The following LIN52 variants were observed in gnomAD, a reference collection of about 807,000 sequenced individuals.
LIN52 encodes lin-52 DREAM MuvB core complex component, also known as protein lin-52 homolog.
LIN52 carries 4 observed loss-of-function variants against 18.5 expected under a neutral mutation model. The ratio of observed to expected loss-of-function variants is 0.22; its 90% confidence interval spans 0.11 to 0.49. The LOEUF (loss-of-function observed/expected upper bound fraction) is 0.49. Among genes scored for constraint, LIN52 ranks in the 20% least tolerant of loss-of-function variants. The pLI is 0.97. For missense variants in LIN52, 102 were observed against 139.5 expected, an observed-to-expected ratio of 0.73 and a Z score of 1.35; for synonymous variants, 34 against 45.5, an observed-to-expected ratio of 0.75 and a Z score of 1.02.
chr14:74,135,222 G>A (rs1265047309), intron 5 of LIN52, among the ~76,000 whole-genome samples: 3 of 152,046 alleles, frequency 2.0e-5, no homozygotes, highest in African/African-American at 7.3e-5. Flanking sequence ...GTACCACCAC[G>A]CCTGGCTGAT....
chr14:74,151,054 C>A (rs749170304), intron 5 of LIN52, among the ~76,000 whole-genome samples: 10 of 152,114 alleles, frequency 6.6e-5, no homozygotes, highest in Non-Finnish European at 1.3e-4. Context: ...CCTTAAAATA[C>A]AATTTTTATA....
At chr14:74,089,432 G>A (rs1331487164) in intron 1 of LIN52, among the ~76,000 whole-genome samples, 1 of 150,384 alleles carries the variant, frequency 6.6e-6, no homozygotes, top group Non-Finnish European at 1.5e-5. Flanking sequence ...GCAGTGGTGT[G>A]ACCTTAGCTA....
At chr14:74,184,127 C>T (rs982659146) in intron 5 of LIN52, among the ~76,000 whole-genome samples, 2 of 152,204 alleles carry the variant, frequency 1.3e-5, no homozygotes, top group Non-Finnish European at 2.9e-5. Context: ...GTCACCCAGG[C>T]TGGAGTGCAC....
intron 5 of LIN52, among the ~76,000 whole-genome samples, chr14:74,151,043 T>G (rs912170943): frequency 1.4e-4 from 22 of 152,258 alleles, no homozygotes; most frequent in African/African-American, 4.8e-4. Flanking sequence ...AATATAAACC[T>G]CCTTAAAATA....
intron 5 of LIN52, among the ~76,000 whole-genome samples, chr14:74,176,297 A>G (rs144349551): frequency 0.019 from 2,860 of 152,170 alleles, 91 homozygotes; most frequent in African/African-American, 0.065. Context: ...TTTTTAGTAG[A>G]GACGGGGTTT....
intron 5 of LIN52, among the ~76,000 whole-genome samples, chr14:74,146,402 G>A (rs1256947133): frequency 6.6e-6 from 1 of 151,938 alleles, no homozygotes; most frequent in African/African-American, 2.4e-5. Flanking sequence ...AGGGAATCTC[G>A]TAGCCATGGT....
At chr14:74,091,139 G>A in intron 1 of LIN52, 93 bp from the exon 2 acceptor site, 1 of 803,252 alleles carries the variant, frequency 1.2e-6, no homozygotes, top group Non-Finnish European at 2.1e-6. Flanking sequence ...AGACTTCCAG[G>A]TGAGTGTTCC....
Position 74,199,188 on chromosome 14 carries a change from C to A in LIN52, c.*211C>A. ...CTACCCAAGGATCATTGCAGTTACT[C>A]AATCAACTTTCAGACTTGAACCTTC... On this transcript the variant is annotated 3_prime_UTR_variant, in exon 6 of 6. Coordinates refer to ENST00000555028, the MANE Select transcript of LIN52 (RefSeq NM_001024674.3). The A allele has an allele frequency of 2.3e-6, 1 of 436,636 alleles. No homozygotes were observed. The highest frequency in any genetic ancestry group is 4.1e-6 in the Non-Finnish European group (1 of 246,284). The allele number at this position is 436,636 out of a possible 1,614,324, so 27.0% of individuals were successfully genotyped here. A position where few individuals can be genotyped will look rare whatever the true frequency, so the allele number is the denominator to read the frequency against.
chr14:74,089,026 T>TA (rs1260125186), intron 1 of LIN52, among the ~76,000 whole-genome samples: 1 of 152,114 alleles, frequency 6.6e-6, no homozygotes, highest in Non-Finnish European at 1.5e-5. Flanking sequence ...GATTGACGTT[T>TA]AAAAAAATCA....
chr14:74,114,200 G>GTGTGTC (rs2060949623), intron 5 of LIN52: 1 of 984,116 alleles, frequency 1.0e-6, no homozygotes, highest in African/African-American at 1.8e-5. Flanking sequence ...GTGTGTGTGT[G>GTGTGTC]TGTGTGTGTG....
rs999015504 is a variant in LIN52, at chr14:74,099,982, T to A, written c.200-1173T>A. 6.6e-5 allele frequency among the ~76,000 whole-genome samples: 10 copies of A among 152,234 alleles called. No homozygotes were observed. In the South Asian group the frequency reaches 2.1e-3, roughly 32 times the overall value. On this transcript the variant is annotated intron_variant, in intron 4 of 5. Coordinates refer to ENST00000555028, the MANE Select transcript of LIN52 (RefSeq NM_001024674.3). ...TCCATTTGCTCCTAACCTCCAACAGTATGCTGTCTTTTTACTTAGTAAACT... is the reference window on the plus strand; with the variant it reads ...TCCATTTGCTCCTAACCTCCAACAGAATGCTGTCTTTTTACTTAGTAAACT...
chr14:74,175,711 T>TACACACACACACAC (rs35602442), intron 5 of LIN52, among the ~76,000 whole-genome samples: 34 of 86,388 alleles, frequency 3.9e-4, no homozygotes, highest in Non-Finnish European at 4.7e-4. Flanking sequence ...CACAGACACA[T>TACACACACACACAC]ACACACACAC....
At chr14:74,105,597 T>C (rs1050180461) in intron 5 of LIN52, among the ~76,000 whole-genome samples, 1 of 151,806 alleles carries the variant, frequency 6.6e-6, no homozygotes, top group East Asian at 1.9e-4. Context: ...TTTTTGTCCT[T>C]ACAGATTATT....
At chr14:74,123,890 A>G (rs78995819) in intron 5 of LIN52, among the ~76,000 whole-genome samples, 1,563 of 152,266 alleles carry the variant, frequency 0.01, 32 homozygotes, top group African/African-American at 0.036. Context: ...GATCTGTTCT[A>G]CTTACTGACT....
chr14:74,136,540 T>C (rs1176726757), intron 5 of LIN52, among the ~76,000 whole-genome samples: 1 of 152,184 alleles, frequency 6.6e-6, no homozygotes, highest in African/African-American at 2.4e-5. Context: ...GTTGTTTGCA[T>C]CCATTTCTGC....
At chr14:74,193,308 GGAGGCT>G (rs2078891414) in intron 5 of LIN52, among the ~76,000 whole-genome samples, 1 of 151,804 alleles carries the variant, frequency 6.6e-6, no homozygotes, top group Non-Finnish European at 1.5e-5. Flanking sequence ...CAACTACTTA[GGAGGCT>G]GAGGCAGGAG....
At chr14:74,115,290 A>T (rs1215757849) in intron 5 of LIN52, among the ~76,000 whole-genome samples, 1 of 152,256 alleles carries the variant, frequency 6.6e-6, no homozygotes, top group Non-Finnish European at 1.5e-5. Context: ...AGTCATTGCC[A>T]ACTTGATAGG....
intron 5 of LIN52, among the ~76,000 whole-genome samples, chr14:74,182,480 A>T (rs1225748332): frequency 6.6e-6 from 1 of 152,138 alleles, no homozygotes; most frequent in Non-Finnish European, 1.5e-5. Context: ...AGTAATGTAG[A>T]TGCTGATTTG....
At chr14:74,097,036 A>G (rs2060818604) in intron 3 of LIN52, among the ~76,000 whole-genome samples, 1 of 152,256 alleles carries the variant, frequency 6.6e-6, no homozygotes, top group African/African-American at 2.4e-5. Flanking sequence ...AAATTGTGAA[A>G]TTCCAAGTGA....
Sources: gnomAD v4.1 joint callset for allele counts (sites outside exome capture counted in the v4.1 genomes callset) on GRCh38, gnomAD v4.1.1 for gene constraint, MANE v1.5 for transcripts, NCBI Gene and HGNC (gene_info 2026-07-23, HGNC 2026-07-21) for gene names.